Variants in NMNAT2 observed in about 807,000 individuals in gnomAD.
NMNAT2 encodes the protein nicotinamide nucleotide adenylyltransferase 2, also known as nicotinamide/nicotinic acid mononucleotide adenylyltransferase 2.
Under a neutral mutation model 41.6 loss-of-function variants are expected in NMNAT2, and 11 were observed. The observed-to-expected ratio is 0.26, with a 90% CI of 0.17 to 0.44. NMNAT2 has a LOEUF of 0.44. Ranked by LOEUF, NMNAT2 falls within the 20% of genes least tolerant of loss-of-function variation. The pLI, the probability that NMNAT2 is intolerant of heterozygous loss-of-function variation, is 1.00. For synonymous variants in NMNAT2, 148 were observed against 151.2 expected, an observed-to-expected ratio of 0.98 and a Z score of 0.16; for missense variants, 288 against 407.7, an observed-to-expected ratio of 0.71 and a Z score of 2.53.
At chr1:183,286,875 C>A (rs772380248) in intron 4 of NMNAT2, 87 bp from the exon 5 acceptor site, 3 of 1,413,994 alleles carry the variant, frequency 2.1e-6, no homozygotes, top group South Asian at 2.8e-5. Context: ...GCTTGTCCAT[C>A]ATGGAGAGGC....
intron 1 of NMNAT2, among the ~76,000 whole-genome samples, chr1:183,355,389 T>G (rs899720287): frequency 6.6e-6 from 1 of 152,162 alleles, no homozygotes; most frequent in African/African-American, 2.4e-5. Flanking sequence ...GGAATGCAAA[T>G]GATTGGGCGG....
intron 1 of NMNAT2, among the ~76,000 whole-genome samples, chr1:183,311,069 G>A (rs1437378434): frequency 6.6e-6 from 1 of 152,142 alleles, no homozygotes; most frequent in African/African-American, 2.4e-5. Flanking sequence ...CCCTGCTTGA[G>A]TGAGGTGCCC....
intron 1 of NMNAT2, among the ~76,000 whole-genome samples, chr1:183,331,094 G>C (rs1662573255): frequency 6.6e-6 from 1 of 151,378 alleles, no homozygotes; most frequent in South Asian, 2.1e-4. Flanking sequence ...CTGATTTTCA[G>C]CCTGCTACTC....
intron 1 of NMNAT2, among the ~76,000 whole-genome samples, chr1:183,325,236 G>C (rs1283655675): frequency 6.6e-6 from 1 of 152,164 alleles, no homozygotes; most frequent in African/African-American, 2.4e-5. Flanking sequence ...GTGGTAGGAG[G>C]GGACTCAGAA....
intron 4 of NMNAT2, among the ~76,000 whole-genome samples, chr1:183,289,754 C>T (rs1194742058): frequency 6.6e-6 from 1 of 152,184 alleles, no homozygotes; most frequent in South Asian, 2.1e-4. Flanking sequence ...TCTTCTCCTG[C>T]CTTTCATTGT....
chr1:183,392,700 C>T (rs1248841641), intron 1 of NMNAT2, among the ~76,000 whole-genome samples: 4 of 152,202 alleles, frequency 2.6e-5, no homozygotes, highest in Non-Finnish European at 4.4e-5. Context: ...GTGAGGGAAG[C>T]GCTCAGCTTC....
At chr1:183,365,522 C>T (rs772203524) in intron 1 of NMNAT2, among the ~76,000 whole-genome samples, 81 of 151,730 alleles carry the variant, frequency 5.3e-4, no homozygotes, top group Non-Finnish European at 6.2e-4. Context: ...TTTGGGAGGC[C>T]GAGGAGGGTG....
chr1:183,320,280 T>C (rs1163077770), intron 1 of NMNAT2, among the ~76,000 whole-genome samples: 1 of 152,178 alleles, frequency 6.6e-6, no homozygotes, highest in Admixed American at 6.5e-5. Flanking sequence ...GAACATCCTT[T>C]TGGTATTCTT....
chr1:183,282,343 GAGGCCCCTGCCCCTC>G (rs1329300604), intron 7 of NMNAT2, among the ~76,000 whole-genome samples: 1 of 152,226 alleles, frequency 6.6e-6, no homozygotes, highest in Non-Finnish European at 1.5e-5. Context: ...AGAGTAAGCA[GAGGCCCCTGCCCCTC>G]CCGAGGTAGC....
At chr1:183,377,571 C>A (rs1280902489) in intron 1 of NMNAT2, among the ~76,000 whole-genome samples, 2 of 152,174 alleles carry the variant, frequency 1.3e-5, no homozygotes, top group Non-Finnish European at 2.9e-5. Context: ...AGACTTCAAA[C>A]CCAGTCCAAC....
chr1:183,266,168 G>T (rs1239990804), intron 8 of NMNAT2, among the ~76,000 whole-genome samples: 2 of 152,182 alleles, frequency 1.3e-5, no homozygotes, highest in Non-Finnish European at 1.5e-5. Flanking sequence ...GACTGTAAGA[G>T]AATACATATG....
At chr1:183,409,128 G>T (rs1427784844) in intron 1 of NMNAT2, among the ~76,000 whole-genome samples, 2 of 152,070 alleles carry the variant, frequency 1.3e-5, no homozygotes, top group Non-Finnish European at 2.9e-5. Flanking sequence ...GCTGAGACAG[G>T]AGGATCACTT....
chr1:183,341,418 C>T (rs1032275933), intron 1 of NMNAT2, among the ~76,000 whole-genome samples: 2 of 150,186 alleles, frequency 1.3e-5, no homozygotes, highest in Non-Finnish European at 2.9e-5. Flanking sequence ...TGACTCACGT[C>T]TGTAATCCCA....
At chr1:183,332,844 C>T (rs1338915874) in intron 1 of NMNAT2, among the ~76,000 whole-genome samples, 1 of 152,190 alleles carries the variant, frequency 6.6e-6, no homozygotes, top group African/African-American at 2.4e-5. Context: ...GGTGCACTGC[C>T]CTCTCACCCT....
intron 1 of NMNAT2, among the ~76,000 whole-genome samples, chr1:183,336,810 T>C (rs1232664751): frequency 2.0e-5 from 3 of 152,174 alleles, no homozygotes; most frequent in Non-Finnish European, 2.9e-5. Context: ...ACAACCCAAA[T>C]GTTCATCAAT....
rs755293701 is a variant in NMNAT2, at chr1:183,250,558, C to T, written c.*2083G>A. On this transcript the variant is annotated 3_prime_UTR_variant, in exon 11 of 11. Transcript: ENST00000287713. Reference sequence around the variant, plus strand: ...TGTGACGGCCTAGGGGTCAGGGAAACAATATGTTCTTGTCAGGCCCTACAC... The same window carrying T: ...TGTGACGGCCTAGGGGTCAGGGAAATAATATGTTCTTGTCAGGCCCTACAC... 1 of 152,634 alleles carries T rather than the reference C, an allele frequency of 6.6e-6. No individual in the cohort carries two copies. The highest frequency in any genetic ancestry group is 1.5e-5 in the Non-Finnish European group (1 of 68,058). The allele number at this position is 152,634 out of a possible 1,614,324, so 9.5% of individuals were successfully genotyped here.
At chr1:183,336,798 A>G (rs951881306) in intron 1 of NMNAT2, among the ~76,000 whole-genome samples, 3 of 152,236 alleles carry the variant, frequency 2.0e-5, no homozygotes, top group Non-Finnish European at 4.4e-5. Flanking sequence ...TACAAACCAG[A>G]AACAACCCAA....
chr1:183,381,655 C>T (rs1181238396), intron 1 of NMNAT2, among the ~76,000 whole-genome samples: 1 of 152,012 alleles, frequency 6.6e-6, no homozygotes, highest in African/African-American at 2.4e-5. Context: ...CGAGATCATG[C>T]TAGTGCACTC....
At chr1:183,346,322 T>C (rs1662927123) in intron 1 of NMNAT2, among the ~76,000 whole-genome samples, 1 of 152,152 alleles carries the variant, frequency 6.6e-6, no homozygotes, top group African/African-American at 2.4e-5. Context: ...CCTTCCAGCC[T>C]CTTGCTCTTC....
Sources: gnomAD v4.1 joint callset for allele counts (sites outside exome capture counted in the v4.1 genomes callset) on GRCh38, gnomAD v4.1.1 for gene constraint, MANE v1.5 for transcripts, NCBI Gene and HGNC (gene_info 2026-07-23, HGNC 2026-07-21) for gene names.